The following GOLGB1 variants were observed in gnomAD, a reference collection of about 807,000 sequenced individuals.
The protein encoded by GOLGB1 is golgin subfamily B member 1.
In GOLGB1, 174 loss-of-function variants were observed where a neutral mutation model predicts 336.9. That is an observed-to-expected ratio of 0.52 (90% confidence interval 0.46 to 0.59). GOLGB1 has a LOEUF of 0.59. Ranked by LOEUF, GOLGB1 falls within the 20% of genes least tolerant of loss-of-function variation. The probability of loss-of-function intolerance (pLI) is 0.00; values close to 1 mark genes in which losing one functional copy is unlikely to be tolerated. For synonymous variants in GOLGB1, 1,208 were observed against 1,289.2 expected (o/e 0.94, Z 1.35); for missense variants, 3,331 against 3,645.3 (o/e 0.91, Z 2.22).
chr3:121,674,812 A>G (rs906538629), intron 17 of GOLGB1, among the ~76,000 whole-genome samples: 2 of 151,298 alleles, frequency 1.3e-5, no homozygotes, highest in African/African-American at 4.9e-5. Flanking sequence ...AAGGCTAGGA[A>G]TGAGGTGCCT....
intron 14 of GOLGB1, among the ~76,000 whole-genome samples, chr3:121,685,648 A>T (rs902186049): frequency 5.3e-5 from 8 of 152,188 alleles, no homozygotes; most frequent in Non-Finnish European, 1.2e-4. Flanking sequence ...GTTAGTGTAA[A>T]GAAAATCAAT....
chr3:121,677,158 G>C, intron 16 of GOLGB1, 127 bp downstream of exon 16: 2 of 1,247,764 alleles, frequency 1.6e-6, no homozygotes, highest in Non-Finnish European at 2.3e-6. Context: ...AGTGGCAGAT[G>C]GGCACTTAAT....
chr3:121,666,158 GCCACTGAGTT>G (rs1474103307), intron 20 of GOLGB1, among the ~76,000 whole-genome samples: 13 of 152,258 alleles, frequency 8.5e-5, no homozygotes, highest in Non-Finnish European at 7.4e-5. Flanking sequence ...AAACTGGAGG[GCCACTGAGTT>G]CCACCTGCTC....
At position 121,676,964 on chromosome 3, in the gene GOLGB1, T is replaced by A; in HGVS notation, c.9106A>T (p.Arg3036Trp). ...TTTAAGCTGTCATTGAGCTGGGTCC[T>A]GAGAAGTTCTGTCTCATAAACCAGA... Reference protein sequence around the residue: ...QNLVYETELLRTQLNDSLKEI... With the variant: ...QNLVYETELLWTQLNDSLKEI... The change falls in exon 17 of 22, where the codon AGG (arginine) becomes TGG (tryptophan). Residue 3036 changes from arginine (R) to tryptophan (W), a missense_variant. By Grantham distance (101) the Arg-to-Trp change is moderately radical. Transcript: ENST00000614479. 6.2e-7 allele frequency: 1 copy of A among 1,613,704 alleles called. No homozygotes were observed.
At position 121,738,501 on chromosome 3, in the gene GOLGB1, T is replaced by C. The variant is rs775932480; in HGVS notation, c.-2-7528A>G. ...TCACTGGTGTTCAACTGGGAGGAAA[T>C]TGAGGGAAGCCAGAGGAGTACAACA... On this transcript the variant is annotated intron_variant, in intron 1 of 21. Transcript: ENST00000614479. 2.0e-5 allele frequency among the ~76,000 whole-genome samples: 3 copies of C among 152,064 alleles called. 1 individual carries two copies. The highest frequency in any genetic ancestry group is 4.2e-4 in the South Asian group (2 of 4,814).
In GOLGB1 at chr3:121,692,291, T is replaced by G. The variant is rs1243719182; in HGVS notation, c.7073A>C (p.Lys2358Thr). The G allele has an allele frequency of 6.2e-7, 1 of 1,611,622 alleles. No homozygotes were observed. Among genetic ancestry groups the G allele is most frequent in the Admixed American group, 1.7e-5 (1 of 59,416 alleles). Reference sequence around the variant, plus strand: ...AGTCTCCAGTTGTTCATAACTGAACTTAGAATTTTGAATATCAGCCTCTTG... The same window carrying G: ...AGTCTCCAGTTGTTCATAACTGAACGTAGAATTTTGAATATCAGCCTCTTG... ...RQQEADIQNS[K>T]FSYEQLETDL... The change falls in exon 14 of 22, where the codon AAG becomes ACG. Residue 2358 changes from lysine (K) to threonine (T), a missense_variant. Lys to Thr is a moderately conservative substitution (Grantham distance 78, BLOSUM62 -1). Transcript: ENST00000614479.
intron 14 of GOLGB1, among the ~76,000 whole-genome samples, chr3:121,682,900 G>A (rs867626921): frequency 9.9e-5 from 15 of 152,130 alleles, no homozygotes; most frequent in South Asian, 4.2e-4. Flanking sequence ...GAAAATCCAA[G>A]AATCAGTGGA....
intron 1 of GOLGB1, among the ~76,000 whole-genome samples, chr3:121,745,527 T>C (rs115324279): frequency 0.02 from 2,894 of 148,374 alleles, 54 homozygotes; most frequent in East Asian, 0.052. Flanking sequence ...TACATATGTA[T>C]ACGTGTATGT....
rs1294040362 is a variant in GOLGB1 at position 121,664,471 on chromosome 3, C to A, written c.*9G>T. ...TTGAGGGGAGTGGTCCAAAGAGTAA[C>A]AACTAAGTCTATAGATGGCCCGTAA... is the stretch of plus-strand genomic sequence containing the variant. On this transcript the variant is annotated 3_prime_UTR_variant, in exon 22 of 22. Coordinates refer to ENST00000614479, the MANE Select transcript of GOLGB1 (RefSeq NM_001366282.2). 6.2e-7 allele frequency: 1 copy of A among 1,612,622 alleles called. No homozygotes were observed. The highest frequency in any genetic ancestry group is 1.7e-5 in the Admixed American group (1 of 60,002).
At position 121,667,380 on chromosome 3, in the gene GOLGB1, A is replaced by T. The variant is rs1419238850; in HGVS notation, c.9554+96T>A. On this transcript the variant is annotated intron_variant, in intron 20 of 21. Transcript: ENST00000614479. ...TGCAGCAACTACCTCAAGATGAGAA[A>T]AAGATCTTAAGAAATCCTAAGTCTG... 2.3e-6 allele frequency: 3 copies of T among 1,324,724 alleles called. No individual in the cohort carries two copies. In the Admixed American group the frequency reaches 6.5e-5, roughly 29 times the overall value. 82.1% of individuals were successfully genotyped at this position (1,324,724 alleles called of 1,614,324 possible). A position where few individuals can be genotyped will look rare whatever the true frequency, so the allele number is the denominator to read the frequency against.
At chr3:121,733,054 T>C (rs1353380933) in intron 1 of GOLGB1, among the ~76,000 whole-genome samples, 3 of 152,114 alleles carry the variant, frequency 2.0e-5, no homozygotes, top group Non-Finnish European at 4.4e-5. Flanking sequence ...CCAGGTGCGG[T>C]AGCTCACGCC....
At chr3:121,726,730 G>A (rs1349952966) in intron 5 of GOLGB1, among the ~76,000 whole-genome samples, 183 bp downstream of exon 5, 1 of 151,976 alleles carries the variant, frequency 6.6e-6, no homozygotes, top group Non-Finnish European at 1.5e-5. Flanking sequence ...AACTAAAAAT[G>A]ACAAACACCA....
At chr3:121,671,107 T>C (rs1364855562) in intron 17 of GOLGB1, among the ~76,000 whole-genome samples, 2 of 152,198 alleles carry the variant, frequency 1.3e-5, no homozygotes, top group South Asian at 2.1e-4. Context: ...CAAAGATGAG[T>C]AGTTGTTAAC....
intron 10 of GOLGB1, among the ~76,000 whole-genome samples, chr3:121,712,072 A>G (rs1944401074): frequency 6.6e-6 from 1 of 152,220 alleles, no homozygotes; most frequent in South Asian, 2.1e-4. Context: ...CAAGACTAAC[A>G]ACAAACTACA....
intron 1 of GOLGB1, among the ~76,000 whole-genome samples, chr3:121,746,635 G>A (rs888203646): frequency 2.6e-5 from 4 of 151,992 alleles, no homozygotes; most frequent in Non-Finnish European, 5.9e-5. Context: ...CCGCTGCCAC[G>A]ACTGGCTAAT....
At position 121,692,241 on chromosome 3, in the gene GOLGB1, T is replaced by G. The variant is rs1218500079; in HGVS notation, c.7123A>C (p.Thr2375Pro). Residue 2375 changes from threonine to proline, a missense_variant, in exon 14 of 22, where the codon ACC becomes CCC. Coordinates refer to ENST00000614479, the MANE Select transcript of GOLGB1 (RefSeq NM_001366282.2). Reference protein sequence around the residue: ...ETDLQASRELTSRLHEEINMK... With the variant: ...ETDLQASRELPSRLHEEINMK... Reference sequence around the variant, plus strand: ...TTTATTTCTTCATGCAGCCTACTGGTCAGTTCTCTGGAGGCCTGAAGATCA... The same window carrying G: ...TTTATTTCTTCATGCAGCCTACTGGGCAGTTCTCTGGAGGCCTGAAGATCA... 6.2e-7 allele frequency: 1 copy of G among 1,601,588 alleles called. No homozygotes were observed. Among genetic ancestry groups the G allele is most frequent in the Non-Finnish European group, 8.5e-7 (1 of 1,176,548 alleles).
intron 4 of GOLGB1, 28 bp from the exon 5 acceptor site, chr3:121,727,069 T>TCTGTC: frequency 7.5e-7 from 1 of 1,325,470 alleles, no homozygotes; most frequent in South Asian, 1.4e-5. Flanking sequence ...AAAGTCATTA[T>TCTGTC]TTAAAAGAAT....
chr3:121,728,357 G>A (rs1945828170), intron 4 of GOLGB1, among the ~76,000 whole-genome samples: 2 of 152,104 alleles, frequency 1.3e-5, no homozygotes, highest in African/African-American at 2.4e-5. Flanking sequence ...CAAGAACTAA[G>A]GATACTAGCA....
At chr3:121,730,165 C>A in intron 2 of GOLGB1, 148 bp from the exon 3 acceptor site, 1 of 580,364 alleles carries the variant, frequency 1.7e-6, no homozygotes, top group East Asian at 2.8e-5. Context: ...TAATCATTAT[C>A]ATAGCCATTA....
Sources: gnomAD v4.1 joint callset for allele counts (sites outside exome capture counted in the v4.1 genomes callset) on GRCh38, gnomAD v4.1.1 for gene constraint, MANE v1.5 for transcripts, NCBI Gene and HGNC (gene_info 2026-07-23, HGNC 2026-07-21) for gene names.